The following FOXP2 variants were observed in gnomAD, a reference collection of about 807,000 sequenced individuals.
FOXP2 encodes the protein forkhead box P2.
In FOXP2, 12 loss-of-function variants were observed where a neutral mutation model predicts 115.8. That is an observed-to-expected ratio of 0.10 (90% confidence interval 0.07 to 0.17). The LOEUF is 0.17. FOXP2 is among the 10% of genes least tolerant of loss of function. FOXP2 has a pLI of 1.00. For synonymous variants in FOXP2, 328 were observed against 297.7 expected (o/e 1.10, Z -1.05); for missense variants, 629 against 843.5 (o/e 0.75, Z 3.15).
chr7:114,148,842 A>C (rs1275082258), intron 1 of FOXP2, among the ~76,000 whole-genome samples: 1 of 152,096 alleles, frequency 6.6e-6, no homozygotes, highest in East Asian at 1.9e-4. Flanking sequence ...TCTTTGCTTC[A>C]TCTCCGTTTC....
chr7:114,687,837 T>C (rs1407072685), intron 16 of FOXP2, among the ~76,000 whole-genome samples: 2 of 152,156 alleles, frequency 1.3e-5, no homozygotes, highest in Non-Finnish European at 2.9e-5. Flanking sequence ...TTTAAGGATA[T>C]TTTATTTACT....
intron 2 of FOXP2, among the ~76,000 whole-genome samples, chr7:114,304,613 T>C (rs1796961485): frequency 7.5e-6 from 1 of 132,528 alleles, no homozygotes. Context: ...GAGGTTGCAG[T>C]GAGCCAAGAT....
chr7:114,513,480 G>A lies in FOXP2; in HGVS notation c.169-21137G>A, dbSNP rs977427. On this transcript the variant is annotated intron_variant, in intron 2 of 16. Transcript: ENST00000350908. Reference sequence around the variant, plus strand: ...TAGATATTCTTAGACCCCACCTCAAGCCTAATTAAATCAGAATCTTAAGGA... The same window carrying A: ...TAGATATTCTTAGACCCCACCTCAAACCTAATTAAATCAGAATCTTAAGGA... Among the ~76,000 whole-genome samples, 1,309 of 152,156 alleles carry A rather than the reference G, an allele frequency of 8.6e-3. 15 individuals carry two copies. The highest frequency in any genetic ancestry group is 0.03 in the African/African-American group (1,249 of 41,528).
At chr7:114,428,190 T>G (rs1171227439) in intron 2 of FOXP2, among the ~76,000 whole-genome samples, 1 of 151,562 alleles carries the variant, frequency 6.6e-6, no homozygotes, top group Non-Finnish European at 1.5e-5. Flanking sequence ...TAAAGCCAAG[T>G]AAAAATAGTA....
intron 1 of FOXP2, among the ~76,000 whole-genome samples, chr7:114,215,185 C>T (rs1211932243): frequency 6.6e-6 from 1 of 151,938 alleles, no homozygotes; most frequent in Non-Finnish European, 1.5e-5. Flanking sequence ...ATCTTTAATA[C>T]TCAATTGTAT....
chr7:114,288,558 T>A (rs945793856), intron 2 of FOXP2, among the ~76,000 whole-genome samples: 6 of 151,786 alleles, frequency 4.0e-5, no homozygotes, highest in Admixed American at 1.3e-4. Context: ...AATATACCAG[T>A]AATGAATTTT....
intron 3 of FOXP2, among the ~76,000 whole-genome samples, chr7:114,538,822 G>C (rs996775108): frequency 6.6e-6 from 1 of 151,692 alleles, no homozygotes; most frequent in Non-Finnish European, 1.5e-5. Flanking sequence ...CAAAACATTT[G>C]TTTATTAACA....
intron 1 of FOXP2, among the ~76,000 whole-genome samples, chr7:114,231,856 C>T (rs1294841981): frequency 6.6e-6 from 1 of 152,058 alleles, no homozygotes; most frequent in Non-Finnish European, 1.5e-5. Context: ...CAAAAGCACA[C>T]ATAGACAAGT....
At chr7:114,568,000 T>A (rs1202839538) in intron 3 of FOXP2, among the ~76,000 whole-genome samples, 1 of 152,156 alleles carries the variant, frequency 6.6e-6, no homozygotes, top group Non-Finnish European at 1.5e-5. Context: ...TGCCTTTCAA[T>A]AGATTATTTT....
chr7:114,654,035 G>A (rs1806435911), intron 10 of FOXP2, 26 bp downstream of exon 10: 1 of 1,612,786 alleles, frequency 6.2e-7, no homozygotes, highest in Non-Finnish European at 8.5e-7. Context: ...TTTATAAACA[G>A]TAAATAGCTC....
In FOXP2 at chr7:114,481,798, ATC is replaced by A. The variant is rs1562952151; in HGVS notation, c.169-52817_169-52816del. ...TATCTATCTATCTATCTATCTATCT[ATC>A]TATCTATCTATATATCTATCTATCT... On this transcript the variant is annotated intron_variant, in intron 2 of 16. Transcript: ENST00000350908. 4.7e-5 allele frequency among the ~76,000 whole-genome samples: 7 copies of A among 150,208 alleles called. No individual in the cohort carries two copies. The East Asian group carries it at 1.4e-3, about 29-fold the overall frequency.
intron 1 of FOXP2, among the ~76,000 whole-genome samples, chr7:114,236,347 A>G (rs564455436): frequency 6.6e-6 from 1 of 152,210 alleles, no homozygotes; most frequent in African/African-American, 2.4e-5. Context: ...GGAAATTTTT[A>G]TATTCATTTA....
At chr7:114,593,020 A>G (rs548052706) in intron 3 of FOXP2, among the ~76,000 whole-genome samples, 11 of 152,056 alleles carry the variant, frequency 7.2e-5, no homozygotes, top group South Asian at 4.1e-4. Context: ...TGGCTTCTAT[A>G]TCAATAAATT....
At chr7:114,351,403 A>G (rs1056275486) in intron 2 of FOXP2, among the ~76,000 whole-genome samples, 1 of 152,168 alleles carries the variant, frequency 6.6e-6, no homozygotes, top group African/African-American at 2.4e-5. Flanking sequence ...AGGAGGAAGC[A>G]TTCTGTATCT....
At chr7:114,557,631 G>A (rs1465932417) in intron 3 of FOXP2, among the ~76,000 whole-genome samples, 1 of 151,890 alleles carries the variant, frequency 6.6e-6, no homozygotes, top group Non-Finnish European at 1.5e-5. Flanking sequence ...AAATGAAAAT[G>A]TACTACCATG....
chr7:114,125,233 GT>G (rs1199950511), intron 1 of FOXP2, among the ~76,000 whole-genome samples: 1 of 152,102 alleles, frequency 6.6e-6, no homozygotes, highest in African/African-American at 2.4e-5. Context: ...TTTAAAATGA[GT>G]GGATGAATGA....
intron 3 of FOXP2, among the ~76,000 whole-genome samples, chr7:114,550,562 C>T (rs1381295050): frequency 6.6e-6 from 1 of 152,156 alleles, no homozygotes; most frequent in Non-Finnish European, 1.5e-5. Context: ...CTCCATATTG[C>T]AACCCCTTTG....
At chr7:114,420,908 T>C (rs1357194245) in intron 1 of FOXP2, among the ~76,000 whole-genome samples, 2 of 151,756 alleles carry the variant, frequency 1.3e-5, no homozygotes, top group African/African-American at 4.8e-5. Context: ...TTTTACATGT[T>C]TGAGAAATAA....
intron 1 of FOXP2, among the ~76,000 whole-genome samples, chr7:114,125,322 G>C (rs761706505): frequency 6.6e-6 from 1 of 152,044 alleles, no homozygotes; most frequent in Non-Finnish European, 1.5e-5. Flanking sequence ...ATTTTAAAGA[G>C]AAAAAGGACG....
Sources: gnomAD v4.1 joint callset for allele counts (sites outside exome capture counted in the v4.1 genomes callset) on GRCh38, gnomAD v4.1.1 for gene constraint, MANE v1.5 for transcripts, NCBI Gene and HGNC (gene_info 2026-07-23, HGNC 2026-07-21) for gene names.